Variants in IDE observed in about 807,000 individuals in gnomAD.
The protein encoded by IDE is insulin degrading enzyme, also known as insulin-degrading enzyme.
A neutral mutation model predicts 133.2 loss-of-function variants in IDE; 58 were observed. The ratio of observed to expected loss-of-function variants is 0.44; its 90% CI spans 0.35 to 0.54. IDE has a LOEUF of 0.54. IDE is among the 20% of genes least tolerant of loss of function. The pLI, the probability that IDE is intolerant of heterozygous loss-of-function variation, is 0.00. For missense variants in IDE, 981 were observed against 1,234.0 expected (o/e 0.79, Z 3.07); for synonymous variants, 396 against 421.3 (o/e 0.94, Z 0.73).
intron 4 of IDE, among the ~76,000 whole-genome samples, chr10:92,515,328 C>T (rs1589454358): frequency 1.4e-5 from 2 of 147,974 alleles, no homozygotes. Context: ...GGTGTGATCT[C>T]GGCTCACTGC....
intron 7 of IDE, 114 bp downstream of exon 7, chr10:92,508,614 C>A (rs900748471): frequency 4.5e-6 from 4 of 895,020 alleles, no homozygotes; most frequent in Admixed American, 2.3e-5. Context: ...CACTCACTAA[C>A]CCAAAATGGT....
chr10:92,533,850 C>T (rs1360038103), intron 3 of IDE, among the ~76,000 whole-genome samples: 1 of 151,862 alleles, frequency 6.6e-6, no homozygotes, highest in African/African-American at 2.4e-5. Flanking sequence ...ATGGTGAAAC[C>T]CCATCTCTAC....
chr10:92,566,192 CAAAAA>C (rs5787005), intron 1 of IDE, among the ~76,000 whole-genome samples: 1,281 of 126,986 alleles, frequency 0.01, 32 homozygotes, highest in Admixed American at 0.055. Context: ...CCTGTCTCTA[CAAAAA>C]AAAAAAAAAA....
At chr10:92,550,954 G>A (rs1455674849) in intron 1 of IDE, among the ~76,000 whole-genome samples, 1 of 152,204 alleles carries the variant, frequency 6.6e-6, no homozygotes, top group Non-Finnish European at 1.5e-5. Flanking sequence ...ACACTTGCTA[G>A]TGGGAATACA....
intron 1 of IDE, among the ~76,000 whole-genome samples, chr10:92,570,922 T>C (rs1478900601): frequency 6.6e-6 from 1 of 150,966 alleles, no homozygotes; most frequent in Non-Finnish European, 1.5e-5. Context: ...TCTCGAACTT[T>C]AAAAAAAAGA....
At chr10:92,505,852 G>T (rs1848266986) in intron 10 of IDE, among the ~76,000 whole-genome samples, 1 of 152,176 alleles carries the variant, frequency 6.6e-6, no homozygotes, top group Non-Finnish European at 1.5e-5. Flanking sequence ...AATGGGAGAG[G>T]TGGGCTGGAC....
chr10:92,533,915 C>T (rs373015405), intron 3 of IDE, among the ~76,000 whole-genome samples: 23 of 151,754 alleles, frequency 1.5e-4, no homozygotes, highest in Non-Finnish European at 2.2e-4. Flanking sequence ...CCCAATTACT[C>T]GGGAGGCTGA....
chr10:92,537,308 A>G, intron 2 of IDE, 58 bp downstream of exon 2: 2 of 1,341,118 alleles, frequency 1.5e-6, no homozygotes, highest in Non-Finnish European at 2.1e-6. Context: ...GTTCTAATAA[A>G]TGTCAGCATT....
chr10:92,556,095 C>T (rs1207564651), intron 1 of IDE, among the ~76,000 whole-genome samples: 1 of 144,054 alleles, frequency 6.9e-6, no homozygotes, highest in African/African-American at 2.6e-5. Flanking sequence ...ATGGCGTGAA[C>T]CCGGGAAGCA....
chr10:92,510,788 C>CAAAT (rs138400829), intron 5 of IDE, among the ~76,000 whole-genome samples: 1 of 148,182 alleles, frequency 6.7e-6, no homozygotes, highest in Non-Finnish European at 1.5e-5. Context: ...ATACATCTCA[C>CAAAT]ATGATATATA....
chr10:92,479,610 A>T (rs185973871), intron 14 of IDE, 189 bp from the exon 15 acceptor site: 18 of 470,366 alleles, frequency 3.8e-5, no homozygotes, highest in African/African-American at 2.4e-4. Flanking sequence ...AGTGTGTGTG[A>T]GTGTGTGTGT....
intron 2 of IDE, among the ~76,000 whole-genome samples, chr10:92,535,068 T>C (rs957617072): frequency 6.6e-6 from 1 of 152,142 alleles, no homozygotes; most frequent in Non-Finnish European, 1.5e-5. Flanking sequence ...AAGAGCTGGA[T>C]TCACAGTTTT....
At position 92,470,353 on chromosome 10, in the gene IDE, G is replaced by A. The variant is rs2135372637; in HGVS notation, c.2117-8C>T. The A allele has an allele frequency of 1.3e-6, 2 of 1,573,280 alleles. No homozygotes were observed. The highest frequency in any genetic ancestry group is 2.3e-5 in the East Asian group (1 of 43,468). ...GGCGAGGAAGGGTTACATCTGCAAAGGTGTAAGAAGACATAGTGAGCGCTA... is the reference window on the plus strand; with the variant it reads ...GGCGAGGAAGGGTTACATCTGCAAAAGTGTAAGAAGACATAGTGAGCGCTA... On this transcript the variant is annotated splice_polypyrimidine_tract_variant and splice_region_variant and intron_variant, in intron 17 of 24. Coordinates refer to ENST00000265986, the MANE Select transcript of IDE (RefSeq NM_004969.4).
intron 1 of IDE, among the ~76,000 whole-genome samples, chr10:92,548,410 T>C: frequency 7.3e-6 from 1 of 137,518 alleles, no homozygotes; most frequent in South Asian, 2.3e-4. Flanking sequence ...AATGTATACA[T>C]GGCTCATTAA....
At chr10:92,538,343 C>T (rs1231839311) in intron 1 of IDE, among the ~76,000 whole-genome samples, 2 of 152,158 alleles carry the variant, frequency 1.3e-5, no homozygotes, top group Admixed American at 6.5e-5. Flanking sequence ...ATGCTCAGAA[C>T]ATAGGGAACA....
rs549474116 is a variant in IDE at position 92,456,225 on chromosome 10, T to G, written c.2896+134A>C. Reference sequence around the variant, plus strand: ...ACCTCATTTCTCTTTTCCCCTTATATCTGCAGACCTTATCTCCAGTTTCCG... The same window carrying G: ...ACCTCATTTCTCTTTTCCCCTTATAGCTGCAGACCTTATCTCCAGTTTCCG... On this transcript the variant is annotated intron_variant, in intron 23 of 24. Transcript: ENST00000265986. 44 of 678,244 alleles carry G rather than the reference T, an allele frequency of 6.5e-5. No homozygotes were observed. The East Asian group carries it at 9.9e-4, about 15-fold the overall frequency. 42.0% of individuals were successfully genotyped at this position (678,244 alleles called of 1,614,324 possible). A position where few individuals can be genotyped will look rare whatever the true frequency, so the allele number is the denominator to read the frequency against.
chr10:92,566,166 G>C (rs1425681175), intron 1 of IDE, among the ~76,000 whole-genome samples: 7 of 149,998 alleles, frequency 4.7e-5, no homozygotes, highest in Non-Finnish European at 7.4e-5. Flanking sequence ...GACCAGTCTG[G>C]GCAACATGAC....
rs772207605 is a variant in IDE at position 92,514,985 on chromosome 10, T to A, written c.719A>T (p.Glu240Val). 6.2e-7 allele frequency: 1 copy of A among 1,610,626 alleles called. No homozygotes were observed. Among genetic ancestry groups the A allele is most frequent in the Non-Finnish European group, 8.5e-7 (1 of 1,177,066 alleles). Residue 240 changes from glutamate (E) to valine (V), a missense_variant, in exon 5 of 25, where the codon GAG becomes GTG. Glu to Val is a moderately radical substitution (Grantham distance 121). Coordinates refer to ENST00000265986, the MANE Select transcript of IDE (RefSeq NM_004969.4). Reference sequence around the variant, plus strand: ...GTAAGCAGAATGGAATTTCAGTAGCTCTTGTCTTACATCAATGCCTTCTTG... The same window carrying A: ...GTAAGCAGAATGGAATTTCAGTAGCACTTGTCTTACATCAATGCCTTCTTG... ...PNQEGIDVRQ[E>V]LLKFHSAYYS... is the part of the protein sequence containing the mutation.
intron 14 of IDE, among the ~76,000 whole-genome samples, chr10:92,482,373 G>A (rs781133911): frequency 5.3e-5 from 8 of 152,198 alleles, no homozygotes; most frequent in African/African-American, 9.7e-5. Context: ...AATTGAAGGT[G>A]CACTGAGAAA....
Sources: allele counts gnomAD v4.1 joint callset (sites outside exome capture counted in the v4.1 genomes callset), GRCh38; gene constraint gnomAD v4.1.1; transcripts MANE v1.5; gene names NCBI Gene and HGNC (gene_info 2026-07-23, HGNC 2026-07-21).